The following SLCO6A1 variants were observed in gnomAD, a reference collection of about 807,000 sequenced individuals.
The protein encoded by SLCO6A1 is cancer/testis antigen 48.
In SLCO6A1, 65 loss-of-function variants were observed where a neutral mutation model predicts 72.7. That is an observed-to-expected ratio of 0.89 (90% CI 0.73 to 1.10). The LOEUF (loss-of-function observed/expected upper bound fraction) is 1.10. Among genes scored for constraint, SLCO6A1 ranks in the 50% least tolerant of loss-of-function variants. SLCO6A1 has a pLI of 0.00. For missense variants in SLCO6A1, 874 were observed against 872.6 expected (o/e 1.00, Z -0.02); for synonymous variants, 314 against 298.2 (o/e 1.05, Z -0.55).
chr5:102,438,410 A>T (rs1231625343), intron 7 of SLCO6A1: 1 of 361,626 alleles, frequency 2.8e-6, no homozygotes, highest in Non-Finnish European at 5.0e-6. Flanking sequence ...GATAAATGGG[A>T]TAAAGGAGGA....
intron 7 of SLCO6A1, among the ~76,000 whole-genome samples, chr5:102,420,996 C>T (rs959070050): frequency 6.6e-6 from 1 of 152,138 alleles, no homozygotes; most frequent in African/African-American, 2.4e-5. Context: ...GGAATCACCT[C>T]ACCCGAGAAG....
intron 1 of SLCO6A1, among the ~76,000 whole-genome samples, chr5:102,493,952 T>G (rs1381207782): frequency 1.3e-5 from 2 of 152,064 alleles, no homozygotes; most frequent in Non-Finnish European, 2.9e-5. Flanking sequence ...ATTCTAAAAT[T>G]TACATGGAAA....
chr5:102,379,179 G>A (rs530214582), intron 12 of SLCO6A1, among the ~76,000 whole-genome samples: 24 of 152,132 alleles, frequency 1.6e-4, no homozygotes, highest in African/African-American at 5.8e-4. Context: ...TTATTGATTT[G>A]TGGGAGTGCT....
intron 9 of SLCO6A1, among the ~76,000 whole-genome samples, chr5:102,403,798 C>T (rs994673267): frequency 1.5e-4 from 23 of 152,122 alleles, no homozygotes; most frequent in African/African-American, 5.1e-4. Flanking sequence ...TGCAAAGAAA[C>T]AGGCAGTAAT....
chr5:102,470,548 C>CT (rs1751555021), intron 4 of SLCO6A1, among the ~76,000 whole-genome samples: 1 of 152,148 alleles, frequency 6.6e-6, no homozygotes, highest in African/African-American at 2.4e-5. Flanking sequence ...ATTCTTCTCT[C>CT]TTTTCTTCTT....
chr5:102,488,042 G>A (rs543214065), intron 1 of SLCO6A1, among the ~76,000 whole-genome samples: 3 of 152,272 alleles, frequency 2.0e-5, no homozygotes, highest in South Asian at 4.1e-4. Context: ...AAATGGGACA[G>A]CTGGCATAAA....
At chr5:102,437,505 A>G (rs1349691093) in intron 7 of SLCO6A1, among the ~76,000 whole-genome samples, 1 of 152,136 alleles carries the variant, frequency 6.6e-6, no homozygotes, top group African/African-American at 2.4e-5. Flanking sequence ...AAATATAATA[A>G]GAAACAAATG....
chr5:102,477,639 A>G (rs766782947), intron 3 of SLCO6A1, 37 bp downstream of exon 3: 22 of 1,570,232 alleles, frequency 1.4e-5, no homozygotes. Context: ...AAGAAAACTC[A>G]AAATGGGTCA....
chr5:102,428,467 A>G (rs1304489496), intron 7 of SLCO6A1, among the ~76,000 whole-genome samples: 1 of 152,138 alleles, frequency 6.6e-6, no homozygotes, highest in Non-Finnish European at 1.5e-5. Flanking sequence ...AACAACAAGA[A>G]TAAAGAAAAA....
In SLCO6A1 at chr5:102,413,197, T is replaced by C. The variant is rs1043201350; in HGVS notation, c.1473-54A>G. The C allele has an allele frequency of 2.0e-6, 3 of 1,472,954 alleles. No homozygotes were observed. The African/African-American group carries it at 4.4e-5, about 22-fold the overall frequency. 91.2% of individuals were successfully genotyped at this position (1,472,954 alleles called of 1,614,324 possible). A position where few individuals can be genotyped will look rare whatever the true frequency, so the allele number is the denominator to read the frequency against. On this transcript the variant is annotated intron_variant, in intron 8 of 13. Coordinates refer to ENST00000506729, the MANE Select transcript of SLCO6A1 (RefSeq NM_173488.5). ...ATTACCATTGTTTTATAATTATTGA[T>C]GCAAATGTCAAGATATCAGTGAGAT...
chr5:102,465,721 T>G (rs939460906), intron 4 of SLCO6A1, among the ~76,000 whole-genome samples: 1 of 152,084 alleles, frequency 6.6e-6, no homozygotes, highest in African/African-American at 2.4e-5. Flanking sequence ...TCATTCACCA[T>G]CTATCATATG....
At chr5:102,432,580 AG>A (rs1456317141) in intron 7 of SLCO6A1, among the ~76,000 whole-genome samples, 1 of 152,276 alleles carries the variant, frequency 6.6e-6, no homozygotes, top group Non-Finnish European at 1.5e-5. Context: ...TCTGGCTTGT[AG>A]GGTTTCTGCT....
At chr5:102,415,508 A>G (rs535504060) in intron 8 of SLCO6A1, among the ~76,000 whole-genome samples, 4 of 152,234 alleles carry the variant, frequency 2.6e-5, no homozygotes, top group African/African-American at 7.2e-5. Context: ...ATTGTTATGT[A>G]TAAGAGAATG....
At chr5:102,491,431 T>C (rs544554680) in intron 1 of SLCO6A1, among the ~76,000 whole-genome samples, 1 of 152,292 alleles carries the variant, frequency 6.6e-6, no homozygotes, top group South Asian at 2.1e-4. Context: ...CTGGGCACCG[T>C]GGAGCAGGGG....
chr5:102,400,825 C>T (rs1412980494), intron 9 of SLCO6A1, among the ~76,000 whole-genome samples: 2 of 151,886 alleles, frequency 1.3e-5, no homozygotes, highest in African/African-American at 4.8e-5. Context: ...AATATAAATA[C>T]CCAAATATCC....
At chr5:102,413,506 G>C (rs1748106817) in intron 8 of SLCO6A1, among the ~76,000 whole-genome samples, 1 of 151,934 alleles carries the variant, frequency 6.6e-6, no homozygotes. Context: ...TCACTTGTTT[G>C]AATTTCCTAA....
chr5:102,452,704 G>A (rs865981240), intron 6 of SLCO6A1, among the ~76,000 whole-genome samples: 7 of 151,964 alleles, frequency 4.6e-5, no homozygotes, highest in Middle Eastern at 3.2e-3. Context: ...TAATCCATTC[G>A]AAAAATAGCT....
intron 4 of SLCO6A1, 47 bp from the exon 5 acceptor site, chr5:102,459,824 T>C: frequency 6.7e-7 from 1 of 1,502,004 alleles, no homozygotes; most frequent in South Asian, 1.3e-5. Flanking sequence ...AGGTATTTGA[T>C]TACAACAAAA....
intron 9 of SLCO6A1, among the ~76,000 whole-genome samples, chr5:102,409,972 A>T (rs906858728): frequency 5.3e-5 from 8 of 152,164 alleles, no homozygotes; most frequent in Non-Finnish European, 1.2e-4. Flanking sequence ...AATAAAATGA[A>T]GGAGAGGAAG....
Sources: gnomAD v4.1 joint callset for allele counts (sites outside exome capture counted in the v4.1 genomes callset) on GRCh38, gnomAD v4.1.1 for gene constraint, MANE v1.5 for transcripts, NCBI Gene and HGNC (gene_info 2026-07-23, HGNC 2026-07-21) for gene names.